Variants in LDB2 observed in about 807,000 individuals in gnomAD.
LDB2 encodes the protein LIM domain-binding protein 2.
LDB2 carries 12 observed loss-of-function variants against 44.3 expected under a neutral mutation model. The ratio of observed to expected loss-of-function variants is 0.27; its 90% CI spans 0.17 to 0.44. The LOEUF (loss-of-function observed/expected upper bound fraction) is 0.44, where lower values mean the gene tolerates loss of function less well. Among genes scored for constraint, LDB2 ranks in the 20% least tolerant of loss-of-function variants. The probability of loss-of-function intolerance (pLI) is 1.00; values close to 1 mark genes in which losing one functional copy is unlikely to be tolerated. For synonymous variants in LDB2, 164 were observed against 174.8 expected, an observed-to-expected ratio of 0.94 and a Z score of 0.49; for missense variants, 344 against 473.5, an observed-to-expected ratio of 0.73 and a Z score of 2.54.
intron 2 of LDB2, among the ~76,000 whole-genome samples, chr4:16,727,885 A>G (rs978560553): frequency 6.6e-6 from 1 of 152,176 alleles, no homozygotes; most frequent in African/African-American, 2.4e-5. Context: ...ATGGGTCATT[A>G]TCTAGCCCAA....
At chr4:16,801,917 T>G (rs1289370278) in intron 1 of LDB2, among the ~76,000 whole-genome samples, 1 of 152,214 alleles carries the variant, frequency 6.6e-6, no homozygotes, top group East Asian at 1.9e-4. Context: ...AGTTATCATT[T>G]GAAAACACCC....
rs190800370 is a variant in LDB2 at position 16,699,374 on chromosome 4, C to T, written c.235+59784G>A. The stretch of plus-strand genomic sequence containing the variant: ...ATTGCGTAGTAAATCCTGCTACAGA[C>T]TTCATTCCCTGATGATATTGTCAAG... On this transcript the variant is annotated intron_variant, in intron 2 of 7. Transcript: ENST00000304523. 4.3e-4 allele frequency among the ~76,000 whole-genome samples: 66 copies of T among 152,340 alleles called. 1 individual carries two copies. The highest frequency in any genetic ancestry group is 7.1e-4 in the Non-Finnish European group (48 of 68,032).
At chr4:16,592,531 C>T (rs1229442830) in intron 3 of LDB2, among the ~76,000 whole-genome samples, 1 of 147,170 alleles carries the variant, frequency 6.8e-6, no homozygotes, top group African/African-American at 2.5e-5. Context: ...CAAACACACA[C>T]ATGATCTGAT....
At chr4:16,744,120 C>T (rs1763888690) in intron 2 of LDB2, among the ~76,000 whole-genome samples, 1 of 152,104 alleles carries the variant, frequency 6.6e-6, no homozygotes, top group Admixed American at 6.5e-5. Flanking sequence ...GAAACTTTAG[C>T]AAGTTACTAA....
At chr4:16,590,373 A>G (rs995898078) in intron 3 of LDB2, among the ~76,000 whole-genome samples, 16 of 152,362 alleles carry the variant, frequency 1.1e-4, no homozygotes, top group Admixed American at 2.6e-4. Flanking sequence ...AACTGAAGAG[A>G]GAATGTAAGT....
chr4:16,740,279 A>C (rs2109008122), intron 2 of LDB2, among the ~76,000 whole-genome samples: 1 of 152,278 alleles, frequency 6.6e-6, no homozygotes, highest in Non-Finnish European at 1.5e-5. Context: ...CTTCTGGCAC[A>C]CACTCGGCTA....
At chr4:16,884,103 C>T (rs759005956) in intron 1 of LDB2, among the ~76,000 whole-genome samples, 5 of 152,164 alleles carry the variant, frequency 3.3e-5, no homozygotes, top group Non-Finnish European at 7.3e-5. Context: ...TGTTCTTGCT[C>T]AAAGGCATAG....
Position 16,502,751 on chromosome 4 carries a change from C to G in LDB2, c.1014G>C (p.Glu338Asp), listed in dbSNP as rs541985439. 1 of 1,614,006 alleles carries G rather than the reference C, an allele frequency of 6.2e-7. No homozygotes were observed. Among genetic ancestry groups the G allele is most frequent in the East Asian group, 2.2e-5 (1 of 44,862 alleles). ...YDAANGMDDE[E>D]DFNNSPALGN... ...CCAGCGCGGGTGAATTGTTGAAGTC[C>G]TCCTCGTCGTCCATGCCGTTGGCCG... The change falls in exon 8 of 8, where the codon GAG (glutamate) becomes GAC (aspartate). Residue 338 changes from glutamate (E) to aspartate (D), a missense_variant. Coordinates refer to ENST00000304523, the MANE Select transcript of LDB2 (RefSeq NM_001290.5).
intron 5 of LDB2, among the ~76,000 whole-genome samples, chr4:16,555,962 G>A (rs991757202): frequency 1.3e-5 from 2 of 151,994 alleles, no homozygotes; most frequent in African/African-American, 2.4e-5. Context: ...ACCTCTGTTG[G>A]GATTGATTCC....
chr4:16,638,350 G>A (rs987034923), intron 2 of LDB2, among the ~76,000 whole-genome samples: 7 of 152,134 alleles, frequency 4.6e-5, no homozygotes, highest in Non-Finnish European at 1.0e-4. Flanking sequence ...ACAAATGAGC[G>A]TTCACCGTTC....
intron 1 of LDB2, among the ~76,000 whole-genome samples, chr4:16,811,629 C>CT (rs1215962096): frequency 6.6e-6 from 1 of 152,214 alleles, no homozygotes; most frequent in Admixed American, 6.5e-5. Flanking sequence ...TGTATATCTG[C>CT]TCCCCCTTAA....
chr4:16,516,037 G>T (rs928457877), intron 5 of LDB2, among the ~76,000 whole-genome samples: 7 of 151,702 alleles, frequency 4.6e-5, no homozygotes, highest in African/African-American at 1.5e-4. Flanking sequence ...CTAATTTTTT[G>T]TATTTTTTTT....
At chr4:16,851,661 T>C (rs990803141) in intron 1 of LDB2, among the ~76,000 whole-genome samples, 1 of 151,696 alleles carries the variant, frequency 6.6e-6, no homozygotes, top group Non-Finnish European at 1.5e-5. Context: ...ACAAAAGATG[T>C]CATTAGGATT....
intron 1 of LDB2, among the ~76,000 whole-genome samples, chr4:16,797,176 G>T (rs973150629): frequency 3.3e-5 from 5 of 152,144 alleles, no homozygotes; most frequent in African/African-American, 1.2e-4. Context: ...TAGACGAAAA[G>T]GTCAGCCCGC....
intron 2 of LDB2, among the ~76,000 whole-genome samples, chr4:16,607,166 A>G (rs1724182228): frequency 6.6e-6 from 1 of 152,246 alleles, no homozygotes; most frequent in African/African-American, 2.4e-5. Flanking sequence ...AAAGGTTTGT[A>G]GAATTAAAAT....
At chr4:16,769,782 T>G (rs1770238141) in intron 1 of LDB2, among the ~76,000 whole-genome samples, 1 of 152,240 alleles carries the variant, frequency 6.6e-6, no homozygotes, top group African/African-American at 2.4e-5. Flanking sequence ...TTGTGTGTTT[T>G]GAGAGAGCAT....
At chr4:16,512,224 A>AT in intron 5 of LDB2, 120 bp from the exon 6 acceptor site, 1 of 954,626 alleles carries the variant, frequency 1.0e-6, no homozygotes, top group African/African-American at 1.6e-5. Context: ...CCTGGTTTTG[A>AT]TTTTCTTTAT....
At chr4:16,688,533 C>A (rs1445697645) in intron 2 of LDB2, among the ~76,000 whole-genome samples, 1 of 152,156 alleles carries the variant, frequency 6.6e-6, no homozygotes, top group African/African-American at 2.4e-5. Flanking sequence ...TGTTTTATGG[C>A]AGTAATTACT....
chr4:16,603,368 T>A (rs1723069558), intron 2 of LDB2, among the ~76,000 whole-genome samples: 1 of 152,152 alleles, frequency 6.6e-6, no homozygotes, highest in African/African-American at 2.4e-5. Context: ...GATGCAGAGA[T>A]GTTAATCAGG....
Sources: allele counts gnomAD v4.1 joint callset (sites outside exome capture counted in the v4.1 genomes callset), GRCh38; gene constraint gnomAD v4.1.1; transcripts MANE v1.5; gene names NCBI Gene and HGNC (gene_info 2026-07-23, HGNC 2026-07-21).